Variants in SMYD3 observed in about 807,000 individuals in gnomAD.
The protein encoded by SMYD3 is SET and MYND domain containing 3.
A neutral mutation model predicts 57.7 loss-of-function variants in SMYD3; 36 were observed. The ratio of observed to expected loss-of-function variants is 0.62; its 90% confidence interval spans 0.48 to 0.82. The LOEUF is 0.82. SMYD3 is among the 40% of genes least tolerant of loss of function. SMYD3 has a pLI of 0.00. For missense variants in SMYD3, 515 were observed against 538.8 expected, an observed-to-expected ratio of 0.96 and a Z score of 0.44; for synonymous variants, 211 against 195.0, an observed-to-expected ratio of 1.08 and a Z score of -0.68.
chr1:246,436,990 C>T (rs1198941186), intron 1 of SMYD3, among the ~76,000 whole-genome samples: 2 of 151,344 alleles, frequency 1.3e-5, no homozygotes, highest in Non-Finnish European at 2.9e-5. Context: ...ACCTCCACCT[C>T]CCGGGTTCAA....
chr1:245,783,127 T>C (rs146205779), intron 10 of SMYD3, among the ~76,000 whole-genome samples: 1 of 152,124 alleles, frequency 6.6e-6, no homozygotes, highest in South Asian at 2.1e-4. Context: ...TGGAGAGAAG[T>C]GGCAGGAATG....
rs116425001 is a variant in SMYD3 at position 245,827,179 on chromosome 1, C to G, written c.1076+31317G>C. Among the ~76,000 whole-genome samples the G allele has an allele frequency of 2.0e-5, 3 of 152,160 alleles. No individual in the cohort carries two copies. In the South Asian group the frequency reaches 6.2e-4, roughly 32 times the overall value. ...TGAGGCCCAGGGAGATTAAACGGCA[C>G]GTTCAAGGCCACACTGCTTCCAAGT... On this transcript the variant is annotated intron_variant, in intron 10 of 11. Transcript: ENST00000490107.
chr1:246,235,754 G>T (rs1197936942), intron 5 of SMYD3, among the ~76,000 whole-genome samples: 5 of 152,036 alleles, frequency 3.3e-5, no homozygotes, highest in African/African-American at 1.2e-4. Context: ...GAGCCCTTGG[G>T]GTCTTTTCAA....
At chr1:245,840,994 GA>G (rs1208196539) in intron 10 of SMYD3, among the ~76,000 whole-genome samples, 2 of 152,232 alleles carry the variant, frequency 1.3e-5, no homozygotes, top group Non-Finnish European at 2.9e-5. Context: ...CACAGACCGT[GA>G]GTTGTCCAGT....
chr1:245,863,654 G>A (rs1301761510), intron 9 of SMYD3, 145 bp downstream of exon 9: 2 of 674,680 alleles, frequency 3.0e-6, no homozygotes, highest in Admixed American at 2.9e-5. Flanking sequence ...CAGGGTCGGA[G>A]GTGCGGCCTG....
chr1:245,963,120 A>T (rs2058051890), intron 5 of SMYD3, among the ~76,000 whole-genome samples: 1 of 152,206 alleles, frequency 6.6e-6, no homozygotes, highest in Non-Finnish European at 1.5e-5. Context: ...CCTAACAACA[A>T]GTAAAAAGCT....
chr1:246,253,084 T>G (rs1018102189), intron 5 of SMYD3, among the ~76,000 whole-genome samples: 1 of 152,290 alleles, frequency 6.6e-6, no homozygotes, highest in South Asian at 2.1e-4. Context: ...CTGAAACTGA[T>G]AGTTTGAATT....
intron 5 of SMYD3, among the ~76,000 whole-genome samples, chr1:246,306,984 T>G (rs184319684): frequency 6.8e-6 from 1 of 146,798 alleles, no homozygotes; most frequent in East Asian, 2.2e-4. Context: ...TGGGTTTTTC[T>G]TAAGAATGAA....
At chr1:246,267,207 A>G (rs1298491729) in intron 5 of SMYD3, among the ~76,000 whole-genome samples, 1 of 152,212 alleles carries the variant, frequency 6.6e-6, no homozygotes, top group Admixed American at 6.5e-5. Flanking sequence ...GAATACATAC[A>G]TACTTGGCCA....
intron 8 of SMYD3, among the ~76,000 whole-genome samples, chr1:245,900,632 GCTAT>G (rs1366376247): frequency 6.6e-6 from 1 of 152,124 alleles, no homozygotes; most frequent in Admixed American, 6.5e-5. Flanking sequence ...GTTTAGTTGG[GCTAT>G]CTGTTATTTA....
intron 10 of SMYD3, among the ~76,000 whole-genome samples, chr1:245,852,935 C>A (rs1375181531): frequency 1.3e-5 from 2 of 152,092 alleles, no homozygotes; most frequent in Non-Finnish European, 2.9e-5. Context: ...TTCACACATA[C>A]GAACACACGC....
At position 246,441,094 on chromosome 1, in the gene SMYD3, G is replaced by A. The variant is rs114881740; in HGVS notation, c.164+65960C>T. ...TTTGTGCGTCCCCACTTACCCTGCC[G>A]TTCGTAAGTACACGCACATTCCAGA... is the stretch of plus-strand genomic sequence containing the variant. On this transcript the variant is annotated intron_variant, in intron 1 of 11. Transcript: ENST00000490107. 7.7e-3 allele frequency among the ~76,000 whole-genome samples: 1,172 copies of A among 152,200 alleles called. 11 individuals carry two copies. Among genetic ancestry groups the A allele is most frequent in the African/African-American group, 0.027 (1,115 of 41,516 alleles).
At chr1:246,286,723 C>T (rs922368633) in intron 5 of SMYD3, among the ~76,000 whole-genome samples, 4 of 152,034 alleles carry the variant, frequency 2.6e-5, no homozygotes, top group Non-Finnish European at 5.9e-5. Context: ...CTAAAGAGTA[C>T]GTAGGTCTGC....
chr1:245,822,236 T>C (rs1429215730), intron 10 of SMYD3, among the ~76,000 whole-genome samples: 5 of 151,948 alleles, frequency 3.3e-5, no homozygotes, highest in Non-Finnish European at 7.4e-5. Context: ...GATGAGTTCA[T>C]GTCCTTTGTA....
chr1:246,038,617 G>A (rs1316388681), intron 5 of SMYD3, among the ~76,000 whole-genome samples: 1 of 152,126 alleles, frequency 6.6e-6, no homozygotes, highest in Non-Finnish European at 1.5e-5. Context: ...TTTTCTAGGT[G>A]ATCGCTGTAT....
chr1:246,430,791 A>G (rs185060960), intron 1 of SMYD3, among the ~76,000 whole-genome samples: 1 of 152,336 alleles, frequency 6.6e-6, no homozygotes, highest in African/African-American at 2.4e-5. Context: ...ATGCCAGAAA[A>G]ACAAAGGAGC....
At chr1:246,464,822 A>C (rs1179503066) in intron 1 of SMYD3, among the ~76,000 whole-genome samples, 1 of 152,148 alleles carries the variant, frequency 6.6e-6, no homozygotes, top group African/African-American at 2.4e-5. Flanking sequence ...TGGATCTGTT[A>C]ATGTTTATTT....
intron 2 of SMYD3, among the ~76,000 whole-genome samples, chr1:246,339,177 T>G (rs2065590679): frequency 6.6e-6 from 1 of 152,206 alleles, no homozygotes; most frequent in Non-Finnish European, 1.5e-5. Context: ...GCCATATCAC[T>G]GAAGGCAACA....
intron 5 of SMYD3, among the ~76,000 whole-genome samples, chr1:246,257,603 G>C (rs2063920231): frequency 6.6e-6 from 1 of 152,290 alleles, no homozygotes; most frequent in African/African-American, 2.4e-5. Context: ...TAAGTAGACT[G>C]TTTAGACCAT....
Sources: gnomAD v4.1 joint callset for allele counts (sites outside exome capture counted in the v4.1 genomes callset) on GRCh38, gnomAD v4.1.1 for gene constraint, MANE v1.5 for transcripts, NCBI Gene and HGNC (gene_info 2026-07-23, HGNC 2026-07-21) for gene names.